The following OVCH2 variants were observed in gnomAD, a reference collection of about 807,000 sequenced individuals.
OVCH2 encodes the protein ovochymase 2, also known as ovochymase-2.
A neutral mutation model predicts 73.7 loss-of-function variants in OVCH2; 88 were observed. That is an observed-to-expected ratio of 1.19 (90% CI 1.01 to 1.43). The LOEUF (loss-of-function observed/expected upper bound fraction) is 1.43, where lower values mean the gene tolerates loss of function less well. Ranked by LOEUF, OVCH2 falls within the 40% of genes most tolerant of loss-of-function variation. The pLI is 0.00. For synonymous variants in OVCH2, 265 were observed against 234.5 expected, an observed-to-expected ratio of 1.13 and a Z score of -1.19; for missense variants, 706 against 674.5, an observed-to-expected ratio of 1.05 and a Z score of -0.52.
rs550889555 is a variant in OVCH2, at chr11:7,692,071, G to A, written c.1414-76C>T. The A allele has an allele frequency of 4.4e-5, 48 of 1,092,612 alleles. 1 individual carries two copies. In the South Asian group the frequency reaches 6.1e-4, roughly 14 times the overall value. 67.7% of individuals were successfully genotyped at this position (1,092,612 alleles called of 1,614,324 possible). On this transcript the variant is annotated intron_variant, in intron 12 of 15. Coordinates refer to ENST00000533663, the MANE Select transcript of OVCH2 (RefSeq NM_198185.7). ...TGACTTTGATTCAGCAGAGAAATTT[G>A]GATTGCTCAACTTGTTCTGGAGTAA...
chr11:7,706,192 C>T lies in OVCH2; in HGVS notation c.88+115G>A, dbSNP rs928522740. The T allele has an allele frequency of 2.7e-6, 3 of 1,102,004 alleles. No homozygotes were observed. In the African/African-American group the frequency reaches 4.8e-5, roughly 18 times the overall value. The allele number at this position is 1,102,004 out of a possible 1,614,324, so 68.3% of individuals were successfully genotyped here. ...AATTGTTTAAAAACAATTAGATATC[C>T]AAAATATATTTGCTTCTCCTATTTT... On this transcript the variant is annotated intron_variant, in intron 1 of 15. Transcript: ENST00000533663.
chr11:7,685,658 A>G (rs1856134365), downstream of OVCH2, among the ~76,000 whole-genome samples: 1 of 152,098 alleles, frequency 6.6e-6, no homozygotes, highest in South Asian at 2.1e-4. Flanking sequence ...GTCCAGCCAC[A>G]GCTCCTGCCC....
chr11:7,685,948 A>C (rs1253043361), downstream of OVCH2, among the ~76,000 whole-genome samples: 1 of 152,216 alleles, frequency 6.6e-6, no homozygotes, highest in Non-Finnish European at 1.5e-5. Context: ...AAACAGATCC[A>C]AAGGCCAGGT....
chr11:7,688,947 C>T (rs4501973), downstream of OVCH2, among the ~76,000 whole-genome samples: 77,002 of 152,138 alleles, frequency 0.51, 21,622 homozygotes, highest in Non-Finnish European at 0.63. Context: ...ATTATTCACT[C>T]GAGATGAGAA....
At position 7,701,466 on chromosome 11, in the gene OVCH2, A is replaced by T; in HGVS notation, c.569T>A (p.Leu190His). Residue 190 changes from leucine to histidine, a missense_variant, in exon 6 of 16, where the codon CTC becomes CAC. Coordinates refer to ENST00000533663, the MANE Select transcript of OVCH2 (RefSeq NM_198185.7). ...ATTCACTTCCTGCAAGACTTGTGAG[A>T]GGACGCCACCTGAAAAACAGAGAGA... ...GWGRLTEGGV[L>H]SQVLQEVNLP... 4 of 1,610,780 alleles carry T rather than the reference A, an allele frequency of 2.5e-6. No homozygotes were observed. The highest frequency in any genetic ancestry group is 3.4e-6 in the Non-Finnish European group (4 of 1,178,756).
chr11:7,690,541 G>C (rs533891429), intron 14 of OVCH2, among the ~76,000 whole-genome samples: 78 of 152,064 alleles, frequency 5.1e-4, no homozygotes, highest in African/African-American at 1.9e-3. Context: ...ACAGTCACTC[G>C]TTCTTTGTGA....
rs562557415 is a variant in OVCH2 at position 7,695,224 on chromosome 11, A to G, written c.1283-36T>C. ...AGAAAAAGTCCAAACAGATGGCACC[A>G]TTCAAATAAAGAAGAATTCTCACTG... On this transcript the variant is annotated intron_variant, in intron 11 of 15. Transcript: ENST00000533663. 7.2e-5 allele frequency: 110 copies of G among 1,525,934 alleles called. No homozygotes were observed. In the South Asian group the frequency reaches 1.2e-3, roughly 17 times the overall value. 94.5% of individuals were successfully genotyped at this position (1,525,934 alleles called of 1,614,324 possible).
chr11:7,704,437 TG>T, intron 2 of OVCH2, 127 bp downstream of exon 2: 1 of 598,790 alleles, frequency 1.7e-6, no homozygotes, highest in African/African-American at 1.9e-5. Context: ...TCACATGCCA[TG>T]ATGACTATTC....
chr11:7,682,238 C>T, the OVCH2 span, among the ~76,000 whole-genome samples: 3 of 152,202 alleles, frequency 2.0e-5, no homozygotes, highest in Non-Finnish European at 4.4e-5. Flanking sequence ...AACATCACAT[C>T]GCTGGACAGT....
intron 1 of OVCH2, chr11:7,705,495 T>G (rs117509030): frequency 0.042 from 6,346 of 152,254 alleles, 170 homozygotes; most frequent in Middle Eastern, 0.12. Flanking sequence ...GTATAGCTAT[T>G]TAGATCAACA....
downstream of OVCH2, among the ~76,000 whole-genome samples, chr11:7,687,495 C>T (rs1856155412): frequency 1.3e-5 from 2 of 152,058 alleles, no homozygotes; most frequent in Admixed American, 1.3e-4. Context: ...CTCAGAACAA[C>T]ACTTGGGGAC....
rs1427703017 is a variant in OVCH2 at position 7,704,593 on chromosome 11, T to A, written c.170A>T (p.Gln57Leu). The change falls in exon 2 of 16, where the codon CAA (glutamine) becomes CTA (leucine). Residue 57 changes from glutamine (Q) to leucine (L), a missense_variant. Gln to Leu is a moderately radical substitution (Grantham distance 113). Transcript: ENST00000533663. ...CCAGGGATAGGAACCCTTCTCCACTTGGCTTCCTCCAAGAATGCGACTGAA... is the reference window on the plus strand; with the variant it reads ...CCAGGGATAGGAACCCTTCTCCACTAGGCTTCCTCCAAGAATGCGACTGAA... ...NIFSRILGGS[Q>L]VEKGSYPWQV... is the part of the protein sequence containing the mutation. 2 of 1,612,194 alleles carry A rather than the reference T, an allele frequency of 1.2e-6. No individual in the cohort carries two copies. Among genetic ancestry groups the A allele is most frequent in the Admixed American group, 3.3e-5 (2 of 59,834 alleles).
chr11:7,681,084 T>C, the OVCH2 span, among the ~76,000 whole-genome samples: 1 of 152,136 alleles, frequency 6.6e-6, no homozygotes, highest in Non-Finnish European at 1.5e-5. Flanking sequence ...GGCCCATCCT[T>C]TGTGCATTTT....
intron 8 of OVCH2, among the ~76,000 whole-genome samples, chr11:7,698,094 C>T (rs377109229): frequency 5.2e-4 from 79 of 152,248 alleles, no homozygotes; most frequent in African/African-American, 1.8e-3. Context: ...ACCCATATTC[C>T]ATTTCCACTT....
rs62624491 is a variant in OVCH2, at chr11:7,695,686, G to A, written c.1166C>T (p.Pro389Leu). 73,485 of 1,611,662 alleles carry A rather than the reference G, an allele frequency of 0.046. 2,228 individuals are homozygous for A. Among genetic ancestry groups the A allele is most frequent in the South Asian group, 0.095 (8,580 of 90,748 alleles). ...ATTAGAGCCAATAAGAATGGATGAAGGGAGGCTTTCTCCACAAAATTTTCC... is the reference window on the plus strand; with the variant it reads ...ATTAGAGCCAATAAGAATGGATGAAAGGAGGCTTTCTCCACAAAATTTTCC... ...PIGKFCGESL[P>L]SSILIGSNSL... Residue 389 changes from proline (P) to leucine (L), a missense_variant, in exon 11 of 16, where the codon CCT becomes CTT. Coordinates refer to ENST00000533663, the MANE Select transcript of OVCH2 (RefSeq NM_198185.7).
chr11:7,691,178 G>C, intron 14 of OVCH2, 91 bp downstream of exon 14: 1 of 1,428,070 alleles, frequency 7.0e-7, no homozygotes, highest in Non-Finnish European at 9.6e-7. Flanking sequence ...AGTGAGAATC[G>C]ACTGTCTCTG....
intron 7 of OVCH2, chr11:7,699,723 T>C (rs1277085359): frequency 6.6e-6 from 1 of 152,228 alleles, no homozygotes; most frequent in East Asian, 1.9e-4. Context: ...TTCTCATTGT[T>C]GGTACTATTA....
At chr11:7,691,770 T>G (rs994641454) in intron 13 of OVCH2, 132 bp downstream of exon 13, 7 of 669,000 alleles carry the variant, frequency 1.0e-5, no homozygotes, top group Non-Finnish European at 1.8e-5. Flanking sequence ...AAAGGAGTGA[T>G]GGTGAGACCA....
chr11:7,696,673 G>T (rs1252462350), intron 9 of OVCH2, 36 bp downstream of exon 9: 1 of 1,613,796 alleles, frequency 6.2e-7, no homozygotes, highest in Non-Finnish European at 8.5e-7. Flanking sequence ...ACCGGAGGTG[G>T]GAGTAAGGAG....
Sources: gnomAD v4.1 joint callset for allele counts (sites outside exome capture counted in the v4.1 genomes callset) on GRCh38, gnomAD v4.1.1 for gene constraint, MANE v1.5 for transcripts, NCBI Gene and HGNC (gene_info 2026-07-23, HGNC 2026-07-21) for gene names.